Variants in DOCK1 observed in about 807,000 individuals in gnomAD.
DOCK1 encodes the protein dedicator of cytokinesis protein 1.
Under a neutral mutation model 262.7 loss-of-function variants are expected in DOCK1, and 138 were observed. The observed-to-expected ratio is 0.53, with a 90% CI of 0.46 to 0.61. The LOEUF (loss-of-function observed/expected upper bound fraction) is 0.61. Ranked by LOEUF, DOCK1 falls within the 20% of genes least tolerant of loss-of-function variation. DOCK1 has a pLI of 0.00. For synonymous variants in DOCK1, 866 were observed against 867.4 expected, an observed-to-expected ratio of 1.00 and a Z score of 0.03; for missense variants, 1,908 against 2,370.7, an observed-to-expected ratio of 0.80 and a Z score of 4.05.
chr10:127,385,361 G>A (rs1213476839), intron 38 of DOCK1, among the ~76,000 whole-genome samples: 1 of 151,882 alleles, frequency 6.6e-6, no homozygotes, highest in Non-Finnish European at 1.5e-5. Flanking sequence ...GAAACCTGCT[G>A]TCATTTTAAT....
intron 27 of DOCK1, among the ~76,000 whole-genome samples, chr10:127,171,345 A>G (rs1188314302): frequency 1.3e-5 from 2 of 152,258 alleles, no homozygotes; most frequent in Non-Finnish European, 1.5e-5. Flanking sequence ...AAGTCCTATT[A>G]AAGAGATTTT....
intron 13 of DOCK1, among the ~76,000 whole-genome samples, chr10:127,022,846 C>T (rs879829391): frequency 1.3e-5 from 2 of 152,238 alleles, no homozygotes; most frequent in South Asian, 4.2e-4. Flanking sequence ...CGTAGCCAGC[C>T]GTCTAACAAG....
intron 23 of DOCK1, among the ~76,000 whole-genome samples, chr10:127,097,551 G>A (rs1048110314): frequency 8.5e-5 from 13 of 152,102 alleles, no homozygotes; most frequent in Non-Finnish European, 1.8e-4. Context: ...TGGGACCCAG[G>A]TATGTGTTCT....
At chr10:127,293,884 A>C (rs949383113) in intron 29 of DOCK1, among the ~76,000 whole-genome samples, 8 of 152,224 alleles carry the variant, frequency 5.3e-5, no homozygotes, top group African/African-American at 1.9e-4. Context: ...GCCTCTGCCA[A>C]AACCACCATC....
intron 23 of DOCK1, among the ~76,000 whole-genome samples, chr10:127,090,301 C>G (rs1198842821): frequency 2.0e-5 from 3 of 152,110 alleles, no homozygotes; most frequent in Admixed American, 2.0e-4. Context: ...ACTGAGGCTC[C>G]ATCATGGTTC....
chr10:127,362,991 CCCCA>C (rs1424332873), intron 33 of DOCK1, among the ~76,000 whole-genome samples: 3 of 47,570 alleles, frequency 6.3e-5, no homozygotes, highest in African/African-American at 3.3e-4. Flanking sequence ...ACACATCCCC[CCCCA>C]CACACACACG....
At chr10:127,434,381 T>G (rs115261430) in intron 48 of DOCK1, among the ~76,000 whole-genome samples, 3,054 of 152,260 alleles carry the variant, frequency 0.02, 93 homozygotes, top group African/African-American at 0.069. Flanking sequence ...CCACCCAGGC[T>G]GGAATGCAGT....
In DOCK1 at chr10:126,954,519, A is replaced by G. The variant is rs1048889678; in HGVS notation, c.47-16183A>G. On this transcript the variant is annotated intron_variant, in intron 1 of 51. Transcript: ENST00000623213. The stretch of plus-strand genomic sequence containing the variant: ...CTGACGTTGTTGGGCAACCATCACC[A>G]CCATCCATTGCCAGAACTCTTTTCT... Among the ~76,000 whole-genome samples, 9 of 152,352 alleles carry G rather than the reference A, an allele frequency of 5.9e-5. 1 individual carries two copies. The highest frequency in any genetic ancestry group is 1.9e-4 in the African/African-American group (8 of 41,582).
At chr10:127,329,562 G>A (rs2062887216) in intron 29 of DOCK1, among the ~76,000 whole-genome samples, 1 of 152,068 alleles carries the variant, frequency 6.6e-6, no homozygotes, top group South Asian at 2.1e-4. Flanking sequence ...GGACTCTGGG[G>A]CGACCCAAGA....
intron 27 of DOCK1, among the ~76,000 whole-genome samples, chr10:127,131,102 G>C (rs1221370736): frequency 6.6e-6 from 1 of 152,298 alleles, no homozygotes; most frequent in East Asian, 1.9e-4. Flanking sequence ...GGAACCCTGA[G>C]GAGTTCCTCA....
At chr10:127,429,767 C>T (rs926287818) in intron 47 of DOCK1, among the ~76,000 whole-genome samples, 2 of 152,160 alleles carry the variant, frequency 1.3e-5, no homozygotes, top group Admixed American at 6.5e-5. Context: ...GGGATGAGCC[C>T]GTGAGCACCT....
chr10:127,439,605 C>T (rs904214651), intron 49 of DOCK1, among the ~76,000 whole-genome samples: 2 of 152,184 alleles, frequency 1.3e-5, no homozygotes, highest in African/African-American at 4.8e-5. Flanking sequence ...TCCCCTTGCC[C>T]CTTGCTGACT....
chr10:127,267,294 T>A (rs2060397120), intron 29 of DOCK1, among the ~76,000 whole-genome samples: 1 of 152,220 alleles, frequency 6.6e-6, no homozygotes, highest in African/African-American at 2.4e-5. Context: ...TCTTAAGGCC[T>A]AGTCATAAAT....
At position 127,052,711 on chromosome 10, in the gene DOCK1, G is replaced by A. The variant is rs1211985344; in HGVS notation, c.2232G>A (p.Val744=). 5.6e-6 allele frequency: 9 copies of A among 1,613,838 alleles called. No homozygotes were observed. Among genetic ancestry groups the A allele is most frequent in the Middle Eastern group, 1.6e-4 (1 of 6,084 alleles). ...TGACAAAAGTGTTGAAGAACTACGT[G>A]GACGGTGCTGAGAAGCCGGGAGTAA... ...TKLTKVLKNY[V]DGAEKPGVNE... is the part of the protein sequence containing the mutation. Residue 744 remains valine (V), a synonymous_variant, in exon 22 of 52, where the codon GTG becomes GTA. Transcript: ENST00000623213.
intron 1 of DOCK1, among the ~76,000 whole-genome samples, chr10:126,915,374 A>G (rs557715336): frequency 6.7e-6 from 1 of 149,590 alleles, no homozygotes; most frequent in South Asian, 2.1e-4. Flanking sequence ...TCTTCAGGGT[A>G]TACCAAGCCC....
chr10:127,026,759 TA>T (rs2042893153), intron 16 of DOCK1, among the ~76,000 whole-genome samples: 1 of 152,210 alleles, frequency 6.6e-6, no homozygotes, highest in Non-Finnish European at 1.5e-5. Context: ...CATGGGCTCT[TA>T]AGGTGCCTGT....
intron 27 of DOCK1, among the ~76,000 whole-genome samples, chr10:127,152,282 T>C (rs2052575330): frequency 6.6e-6 from 1 of 152,224 alleles, no homozygotes; most frequent in Admixed American, 6.5e-5. Context: ...AAATTCTCTT[T>C]TGCAAGATGA....
At chr10:127,263,727 G>A (rs375888464) in intron 29 of DOCK1, among the ~76,000 whole-genome samples, 1,541 of 64,108 alleles carry the variant, frequency 0.024, 37 homozygotes, top group African/African-American at 0.075. Context: ...GACTTGCTCG[G>A]ATTCACGCTT....
rs79116563 is a variant in DOCK1 at position 127,175,015 on chromosome 10, C to T, written c.2847+47251C>T. 0.15 allele frequency among the ~76,000 whole-genome samples: 22,110 copies of T among 152,138 alleles called. 1,899 individuals are homozygous for T. The highest frequency in any genetic ancestry group is 0.23 in the African/African-American group (9,690 of 41,504). On this transcript the variant is annotated intron_variant, in intron 27 of 51. Coordinates refer to ENST00000623213, the MANE Select transcript of DOCK1 (RefSeq NM_001290223.2). The surrounding 1 kb of genome is among the most constrained non-coding windows in gnomAD (Gnocchi z 6.3). ...AGAAAGATGAACATTAACCAGAAAGCGTATCGTGCAGGATGCAGTGACGTC... is the reference window on the plus strand; with the variant it reads ...AGAAAGATGAACATTAACCAGAAAGTGTATCGTGCAGGATGCAGTGACGTC...
Sources: gnomAD v4.1 joint callset for allele counts (sites outside exome capture counted in the v4.1 genomes callset) on GRCh38, gnomAD v4.1.1 for gene constraint, Gnocchi (gnomAD v3.1) non-coding constraint, MANE v1.5 for transcripts, NCBI Gene and HGNC (gene_info 2026-07-23, HGNC 2026-07-21) for gene names.